PTPRR: variants seen among roughly 807,000 people sequenced by gnomAD.
The protein encoded by PTPRR is receptor-type tyrosine-protein phosphatase R.
PTPRR carries 38 observed loss-of-function variants against 77.2 expected under a neutral mutation model. That is an observed-to-expected ratio of 0.49 (90% CI 0.38 to 0.65). PTPRR has a LOEUF of 0.65. PTPRR is among the 30% of genes least tolerant of loss of function. The pLI is 0.00. For synonymous variants in PTPRR, 299 were observed against 283.1 expected, an observed-to-expected ratio of 1.06 and a Z score of -0.57; for missense variants, 744 against 799.2, an observed-to-expected ratio of 0.93 and a Z score of 0.83.
intron 10 of PTPRR, among the ~76,000 whole-genome samples, chr12:70,678,714 C>G (rs924982358): frequency 6.6e-6 from 1 of 152,206 alleles, no homozygotes; most frequent in Middle Eastern, 3.4e-3. Context: ...CTCTCTGTCT[C>G]CCAACTGCCC....
chr12:70,867,260 G>T (rs973864690), intron 2 of PTPRR, among the ~76,000 whole-genome samples: 1 of 152,100 alleles, frequency 6.6e-6, no homozygotes, highest in Non-Finnish European at 1.5e-5. Flanking sequence ...GTCCCTGTTT[G>T]TAGATGACAT....
At chr12:70,886,340 G>A (rs979312146) in intron 2 of PTPRR, among the ~76,000 whole-genome samples, 2 of 152,200 alleles carry the variant, frequency 1.3e-5, no homozygotes, top group East Asian at 1.9e-4. Context: ...TATATAAGAA[G>A]ATCTTATAAT....
At chr12:70,683,119 T>A (rs978620592) in intron 10 of PTPRR, among the ~76,000 whole-genome samples, 5 of 152,186 alleles carry the variant, frequency 3.3e-5, no homozygotes, top group Non-Finnish European at 7.3e-5. Context: ...CTAGATGATG[T>A]CCATTAGCAG....
At chr12:70,794,190 C>G (rs912382087) in intron 2 of PTPRR, among the ~76,000 whole-genome samples, 1 of 152,188 alleles carries the variant, frequency 6.6e-6, no homozygotes, top group African/African-American at 2.4e-5. Flanking sequence ...CATGTAATCA[C>G]ATTATAAATA....
chr12:70,675,328 G>T (rs1025622056), intron 10 of PTPRR, among the ~76,000 whole-genome samples: 2 of 151,734 alleles, frequency 1.3e-5, no homozygotes, highest in East Asian at 1.9e-4. Flanking sequence ...TCCCAATTAG[G>T]TAAAAGTTTA....
chr12:70,648,757 C>T (rs1280347393), intron 13 of PTPRR, among the ~76,000 whole-genome samples: 1 of 152,028 alleles, frequency 6.6e-6, no homozygotes, highest in Non-Finnish European at 1.5e-5. Flanking sequence ...AATTGCCATA[C>T]CACCCACTTC....
At chr12:70,708,951 A>G (rs1414545925) in intron 6 of PTPRR, among the ~76,000 whole-genome samples, 1 of 152,036 alleles carries the variant, frequency 6.6e-6, no homozygotes, top group Non-Finnish European at 1.5e-5. Flanking sequence ...AATTAAATAT[A>G]TTCATTTATT....
At chr12:70,692,092 T>G (rs1331901855) in intron 8 of PTPRR, among the ~76,000 whole-genome samples, 1 of 152,158 alleles carries the variant, frequency 6.6e-6, no homozygotes, top group Non-Finnish European at 1.5e-5. Context: ...ATGGGAAACA[T>G]TGGGTTAAAC....
At chr12:70,752,656 A>G (rs1013801855) in intron 5 of PTPRR, among the ~76,000 whole-genome samples, 1 of 152,124 alleles carries the variant, frequency 6.6e-6, no homozygotes, top group Admixed American at 6.6e-5. Flanking sequence ...TGCTCTTCTG[A>G]ATCACATCCA....
intron 6 of PTPRR, 89 bp from the exon 7 acceptor site, chr12:70,701,412 G>A: frequency 8.5e-7 from 1 of 1,173,642 alleles, no homozygotes. Flanking sequence ...ACAATTCAGT[G>A]AGAACTTTTA....
intron 6 of PTPRR, among the ~76,000 whole-genome samples, chr12:70,741,991 G>A (rs1890063193): frequency 6.6e-6 from 1 of 152,192 alleles, no homozygotes; most frequent in African/African-American, 2.4e-5. Context: ...AACTGAAAAA[G>A]AGGAAGAGAG....
intron 4 of PTPRR, among the ~76,000 whole-genome samples, chr12:70,757,379 A>AC (rs1890587332): frequency 6.6e-6 from 1 of 152,218 alleles, no homozygotes; most frequent in Admixed American, 6.5e-5. Context: ...TACCGTTTTA[A>AC]TAGGTATTTA....
intron 12 of PTPRR, 146 bp from the exon 13 acceptor site, chr12:70,656,963 G>C (rs1288860231): frequency 3.2e-6 from 1 of 312,518 alleles, no homozygotes; most frequent in Non-Finnish European, 5.9e-6. Context: ...CCTGTGCTAA[G>C]TGCTTAAAAT....
chr12:70,788,900 G>T, intron 2 of PTPRR: 1 of 1,482,498 alleles, frequency 6.7e-7, no homozygotes, highest in Non-Finnish European at 8.9e-7. Flanking sequence ...ATAGCAAGCA[G>T]GACTAATCGT....
At chr12:70,911,030 G>A (rs780856661) in intron 1 of PTPRR, among the ~76,000 whole-genome samples, 1 of 152,156 alleles carries the variant, frequency 6.6e-6, no homozygotes, top group Non-Finnish European at 1.5e-5. Context: ...GAAGAGTCCT[G>A]GAAAAGCAGG....
At chr12:70,847,243 T>C (rs1892500649) in intron 2 of PTPRR, among the ~76,000 whole-genome samples, 1 of 152,240 alleles carries the variant, frequency 6.6e-6, no homozygotes, top group African/African-American at 2.4e-5. Flanking sequence ...GTAGTGCATG[T>C]AATGTGCTTA....
intron 13 of PTPRR, among the ~76,000 whole-genome samples, chr12:70,642,950 C>T (rs574856150): frequency 6.6e-6 from 1 of 152,272 alleles, no homozygotes; most frequent in East Asian, 1.9e-4. Flanking sequence ...GTGGGAGGAT[C>T]ACTTGAGCCC....
intron 10 of PTPRR, among the ~76,000 whole-genome samples, chr12:70,682,719 T>C (rs1887721013): frequency 1.3e-5 from 2 of 152,168 alleles, no homozygotes; most frequent in Non-Finnish European, 2.9e-5. Context: ...AAAAATGTCA[T>C]GCATATTAAA....
At chr12:70,691,352 G>A (rs943709416) in intron 8 of PTPRR, among the ~76,000 whole-genome samples, 1 of 152,048 alleles carries the variant, frequency 6.6e-6, no homozygotes, top group Non-Finnish European at 1.5e-5. Flanking sequence ...GGGACACAAC[G>A]TTCTGGTTTT....
Sources: allele counts gnomAD v4.1 joint callset (sites outside exome capture counted in the v4.1 genomes callset), GRCh38; gene constraint gnomAD v4.1.1; transcripts MANE v1.5; gene names NCBI Gene and HGNC (gene_info 2026-07-23, HGNC 2026-07-21).